The following CTNND2 variants were observed in gnomAD, a reference collection of about 807,000 sequenced individuals.
The protein encoded by CTNND2 is catenin delta-2.
CTNND2 carries 22 observed loss-of-function variants against 144.4 expected under a neutral mutation model. The observed-to-expected ratio is 0.15, with a 90% CI of 0.11 to 0.22. The LOEUF (loss-of-function observed/expected upper bound fraction) is 0.22. Ranked by LOEUF, CTNND2 falls within the 10% of genes least tolerant of loss-of-function variation. The probability of loss-of-function intolerance (pLI) is 1.00; values close to 1 mark genes in which losing one functional copy is unlikely to be tolerated. For missense variants in CTNND2, 1,353 were observed against 1,618.8 expected (o/e 0.84, Z 2.82); for synonymous variants, 751 against 695.6 (o/e 1.08, Z -1.25).
chr5:10,977,990 A>T (rs1736712003), intron 21 of CTNND2, among the ~76,000 whole-genome samples: 1 of 152,136 alleles, frequency 6.6e-6, no homozygotes, highest in African/African-American at 2.4e-5. Context: ...GATCCACTTG[A>T]AACTGATTTC....
chr5:11,229,768 C>A (rs1740794544), intron 10 of CTNND2, among the ~76,000 whole-genome samples: 1 of 150,948 alleles, frequency 6.6e-6, no homozygotes, highest in Non-Finnish European at 1.5e-5. Flanking sequence ...TGTATAACTG[C>A]TTTCATGTAT....
At chr5:11,647,561 T>A (rs1038830742) in intron 2 of CTNND2, among the ~76,000 whole-genome samples, 7 of 151,894 alleles carry the variant, frequency 4.6e-5, no homozygotes, top group African/African-American at 1.7e-4. Context: ...AGTGAAATTG[T>A]ACTTCACCTC....
At chr5:11,035,705 G>A (rs975732208) in intron 16 of CTNND2, among the ~76,000 whole-genome samples, 5 of 152,142 alleles carry the variant, frequency 3.3e-5, no homozygotes, top group African/African-American at 1.2e-4. Context: ...TGTTTATCGA[G>A]GAAGAAAGTG....
At chr5:11,526,862 G>T (rs1004034337) in intron 3 of CTNND2, among the ~76,000 whole-genome samples, 9 of 151,708 alleles carry the variant, frequency 5.9e-5, no homozygotes, top group Admixed American at 3.9e-4. Flanking sequence ...AGGAATGGAA[G>T]AAGAAAATAT....
intron 1 of CTNND2, among the ~76,000 whole-genome samples, chr5:11,803,319 A>C (rs1293952838): frequency 2.2e-5 from 1 of 46,208 alleles, no homozygotes; most frequent in Non-Finnish European, 9.1e-5. Flanking sequence ...ACTGCGTCTC[A>C]AAAAAAAAAG....
intron 3 of CTNND2, among the ~76,000 whole-genome samples, chr5:11,433,948 T>A (rs548386327): frequency 4.1e-4 from 62 of 152,278 alleles, no homozygotes; most frequent in Non-Finnish European, 6.8e-4. Context: ...ACATACCCAA[T>A]GTGCCAGTGG....
At chr5:11,167,008 G>C (rs1413097019) in intron 11 of CTNND2, among the ~76,000 whole-genome samples, 1 of 152,218 alleles carries the variant, frequency 6.6e-6, no homozygotes. Flanking sequence ...CCAGGGGTTG[G>C]TTGGCCACAA....
At chr5:11,675,006 T>C (rs56821389) in intron 2 of CTNND2, among the ~76,000 whole-genome samples, 1,795 of 152,264 alleles carry the variant, frequency 0.012, 28 homozygotes, top group African/African-American at 0.042. Context: ...CAGATATTGC[T>C]ATATTCTTTC....
At chr5:11,053,457 T>C (rs1746047657) in intron 16 of CTNND2, among the ~76,000 whole-genome samples, 1 of 152,240 alleles carries the variant, frequency 6.6e-6, no homozygotes, top group Non-Finnish European at 1.5e-5. Context: ...AAAAATATAT[T>C]AATACATTTT....
chr5:11,830,392 T>A (rs1406246537), intron 1 of CTNND2, among the ~76,000 whole-genome samples: 2 of 152,138 alleles, frequency 1.3e-5, no homozygotes, highest in Admixed American at 6.5e-5. Context: ...TGGGAGGTAA[T>A]TGAATCATGG....
chr5:11,593,047 A>C (rs1215396939), intron 2 of CTNND2, among the ~76,000 whole-genome samples: 2 of 151,962 alleles, frequency 1.3e-5, no homozygotes, highest in Non-Finnish European at 2.9e-5. Context: ...ACGTGACCCC[A>C]GTTGCGAAAA....
chr5:11,241,912 G>A (rs993850656), intron 9 of CTNND2, among the ~76,000 whole-genome samples: 2 of 152,032 alleles, frequency 1.3e-5, no homozygotes, highest in Admixed American at 1.3e-4. Flanking sequence ...ACCTGCCAAG[G>A]TGTGGAGTCA....
chr5:11,443,248 GTGTGCTGTGTGTGGTGTGTGTGTGGTA>G (rs1764458403), intron 3 of CTNND2, among the ~76,000 whole-genome samples: 18 of 121,542 alleles, frequency 1.5e-4, no homozygotes, highest in African/African-American at 7.1e-4. Context: ...GTGTGTGTGT[GTGTGCTGTGTGTGGTGTGTGTGTGGTA>G]TGTGTGCATG....
intron 11 of CTNND2, among the ~76,000 whole-genome samples, chr5:11,170,174 T>C (rs1321347515): frequency 1.3e-5 from 2 of 152,180 alleles, no homozygotes; most frequent in Non-Finnish European, 2.9e-5. Context: ...GTGATGCATA[T>C]GAACAATCAG....
chr5:11,770,394 A>G (rs1789848981), intron 1 of CTNND2, among the ~76,000 whole-genome samples: 2 of 135,142 alleles, frequency 1.5e-5, no homozygotes, highest in African/African-American at 5.2e-5. Flanking sequence ...TACACGTGGT[A>G]TTAAAACAGA....
chr5:11,043,087 A>ATTTT (rs199870626), intron 16 of CTNND2, among the ~76,000 whole-genome samples: 1 of 144,928 alleles, frequency 6.9e-6, no homozygotes, highest in African/African-American at 2.5e-5. Context: ...GTCAGAGCTT[A>ATTTT]TTTTTTTTTT....
At chr5:11,305,383 C>T (rs1041667749) in intron 9 of CTNND2, among the ~76,000 whole-genome samples, 1 of 152,190 alleles carries the variant, frequency 6.6e-6, no homozygotes, top group Non-Finnish European at 1.5e-5. Flanking sequence ...CACTCCAGTG[C>T]CTTTGGTCAT....
At chr5:11,000,171 T>C (rs1230623284) in intron 18 of CTNND2, among the ~76,000 whole-genome samples, 1 of 152,246 alleles carries the variant, frequency 6.6e-6, no homozygotes, top group African/African-American at 2.4e-5. Flanking sequence ...GTAGCTTTCA[T>C]TCGGACTGGT....
intron 18 of CTNND2, among the ~76,000 whole-genome samples, chr5:11,008,155 T>G (rs1204926278): frequency 6.6e-6 from 1 of 152,166 alleles, no homozygotes; most frequent in Admixed American, 6.5e-5. Flanking sequence ...CAGGCTTTTA[T>G]GTGAGAGGGA....
Sources: allele counts gnomAD v4.1 joint callset (sites outside exome capture counted in the v4.1 genomes callset), GRCh38; gene constraint gnomAD v4.1.1; transcripts MANE v1.5; gene names NCBI Gene and HGNC (gene_info 2026-07-23, HGNC 2026-07-21).